The following PEPD variants were observed in gnomAD, a reference collection of about 807,000 sequenced individuals.
The protein encoded by PEPD is xaa-Pro dipeptidase.
PEPD carries 53 observed loss-of-function variants against 60.7 expected under a neutral mutation model. That is an observed-to-expected ratio of 0.87 (90% CI 0.70 to 1.10). PEPD has a LOEUF of 1.10. PEPD is among the 50% of genes least tolerant of loss of function. PEPD has a pLI of 0.00. For missense variants in PEPD, 711 were observed against 711.9 expected, an observed-to-expected ratio of 1.00 and a Z score of 0.01; for synonymous variants, 267 against 284.1, an observed-to-expected ratio of 0.94 and a Z score of 0.60.
At chr19:33,504,114 G>A (rs1970758730) in intron 3 of PEPD, among the ~76,000 whole-genome samples, 1 of 152,258 alleles carries the variant, frequency 6.6e-6, no homozygotes, top group Non-Finnish European at 1.5e-5. Context: ...AAAGGGCAGA[G>A]ATAATTAAGT....
intron 3 of PEPD, among the ~76,000 whole-genome samples, chr19:33,508,373 T>C (rs377286522): frequency 1.3e-5 from 2 of 152,040 alleles, no homozygotes; most frequent in Non-Finnish European, 2.9e-5. Context: ...GCTGGGAGAA[T>C]CCTCCTGCAG....
intron 12 of PEPD, chr19:33,395,283 C>T (rs549038725): frequency 1.0e-4 from 16 of 152,496 alleles, no homozygotes; most frequent in African/African-American, 3.8e-4. Flanking sequence ...CTGGTTATGA[C>T]CTCTGGGCCT....
chr19:33,439,186 A>C (rs537709139), intron 9 of PEPD, among the ~76,000 whole-genome samples: 1 of 152,308 alleles, frequency 6.6e-6, no homozygotes, highest in East Asian at 1.9e-4. Context: ...GAAAAGTGCG[A>C]CGTGGACAGG....
intron 6 of PEPD, among the ~76,000 whole-genome samples, chr19:33,485,679 A>C (rs1328463660): frequency 6.6e-6 from 1 of 152,122 alleles, no homozygotes; most frequent in Non-Finnish European, 1.5e-5. Context: ...CTGCATTAAC[A>C]ACCCCCAAAT....
chr19:33,390,514 C>T (rs1968190000), intron 13 of PEPD, among the ~76,000 whole-genome samples: 1 of 152,278 alleles, frequency 6.6e-6, no homozygotes, highest in Non-Finnish European at 1.5e-5. Flanking sequence ...TGAGCCTTGT[C>T]TTGGCTAACT....
At chr19:33,493,253 C>G in intron 5 of PEPD, 37 bp downstream of exon 5, 1 of 1,526,946 alleles carries the variant, frequency 6.5e-7, no homozygotes, top group Non-Finnish European at 9.1e-7. Context: ...CTCCCCAGAG[C>G]CAAGCACTGC....
At chr19:33,469,812 G>C (rs921213982) in intron 7 of PEPD, among the ~76,000 whole-genome samples, 1 of 151,946 alleles carries the variant, frequency 6.6e-6, no homozygotes, top group African/African-American at 2.4e-5. Flanking sequence ...CAGCTTTTGC[G>C]TTCTATTTTG....
intron 6 of PEPD, among the ~76,000 whole-genome samples, chr19:33,479,136 A>T (rs2145299464): frequency 6.6e-6 from 1 of 152,210 alleles, no homozygotes; most frequent in East Asian, 1.9e-4. Context: ...ATTAATGCAA[A>T]CTAGATTTTC....
intron 11 of PEPD, among the ~76,000 whole-genome samples, chr19:33,409,724 G>A (rs1968719923): frequency 6.6e-6 from 1 of 152,174 alleles, no homozygotes; most frequent in Admixed American, 6.5e-5. Flanking sequence ...GTGGGTCCAC[G>A]GTGTGGGGGC....
chr19:33,448,352 C>T (rs1421580323), intron 9 of PEPD, among the ~76,000 whole-genome samples: 3 of 152,080 alleles, frequency 2.0e-5, no homozygotes, highest in Non-Finnish European at 2.9e-5. Context: ...CAGCCACCTC[C>T]GAGGTGGGCG....
chr19:33,436,350 C>T (rs944442417), intron 9 of PEPD, among the ~76,000 whole-genome samples: 4 of 152,122 alleles, frequency 2.6e-5, no homozygotes, highest in African/African-American at 9.7e-5. Flanking sequence ...GGCCCCATGC[C>T]CTGCCTAAGA....
intron 3 of PEPD, among the ~76,000 whole-genome samples, chr19:33,506,933 A>G (rs543288678): frequency 3.2e-4 from 40 of 125,448 alleles, no homozygotes; most frequent in Middle Eastern, 4.7e-3. Context: ...CCCCCCACAC[A>G]ACATACTCTA....
intron 8 of PEPD, 133 bp from the exon 9 acceptor site, chr19:33,463,174 T>A (rs989753775): frequency 4.0e-6 from 3 of 750,880 alleles, no homozygotes; most frequent in Non-Finnish European, 7.3e-6. Flanking sequence ...GTGCATGCAG[T>A]GGTACAGACA....
Position 33,493,201 on chromosome 19 carries a change from A to G in PEPD, c.441+89T>C, listed in dbSNP as rs925732878. 6.9e-5 allele frequency: 65 copies of G among 938,016 alleles called. No individual in the cohort carries two copies. The African/African-American group carries it at 8.8e-4, about 13-fold the overall frequency. The allele number at this position is 938,016 out of a possible 1,614,324, so 58.1% of individuals were successfully genotyped here. A position where few individuals can be genotyped will look rare whatever the true frequency, so the allele number is the denominator to read the frequency against. On this transcript the variant is annotated intron_variant, in intron 5 of 14. Coordinates refer to ENST00000244137, the MANE Select transcript of PEPD (RefSeq NM_000285.4). ...CCTCTCCGTTTTTTAATCCTCCCCT[A>G]TGGGCCCGACCTCTGCAGGAGAGGT...
intron 11 of PEPD, among the ~76,000 whole-genome samples, chr19:33,403,944 T>C (rs1458193745): frequency 1.3e-5 from 2 of 152,192 alleles, no homozygotes; most frequent in African/African-American, 2.4e-5. Flanking sequence ...GGAAGTCTAC[T>C]CCTGCACAGG....
intron 11 of PEPD, among the ~76,000 whole-genome samples, chr19:33,408,720 G>T (rs893771533): frequency 6.6e-6 from 1 of 152,208 alleles, no homozygotes; most frequent in Non-Finnish European, 1.5e-5. Context: ...TCTGGGAGGC[G>T]CTCGGCTTCG....
chr19:33,442,552 A>T (rs1044623845), intron 9 of PEPD, among the ~76,000 whole-genome samples: 3 of 150,652 alleles, frequency 2.0e-5, no homozygotes, highest in Admixed American at 1.3e-4. Context: ...TAAAATAAAA[A>T]AAAAAAATTA....
chr19:33,491,434 A>G (rs1970498877), intron 5 of PEPD, among the ~76,000 whole-genome samples: 1 of 152,210 alleles, frequency 6.6e-6, no homozygotes, highest in Non-Finnish European at 1.5e-5. Context: ...GGGCAACAAG[A>G]GCAAAACTCC....
At chr19:33,483,723 T>C (rs372131437) in intron 6 of PEPD, among the ~76,000 whole-genome samples, 1 of 152,134 alleles carries the variant, frequency 6.6e-6, no homozygotes, top group Non-Finnish European at 1.5e-5. Flanking sequence ...GGTGGGAAGA[T>C]CGCTTGAGCC....
Sources: allele counts gnomAD v4.1 joint callset (sites outside exome capture counted in the v4.1 genomes callset), GRCh38; gene constraint gnomAD v4.1.1; transcripts MANE v1.5; gene names NCBI Gene and HGNC (gene_info 2026-07-23, HGNC 2026-07-21).